SCN8A: variants seen among roughly 807,000 people sequenced by gnomAD.
SCN8A encodes sodium voltage-gated channel alpha subunit 8, also known as sodium channel protein type 8 subunit alpha.
In SCN8A, 30 loss-of-function variants were observed where a neutral mutation model predicts 184.1. That is an observed-to-expected ratio of 0.16 (90% CI 0.12 to 0.22). The LOEUF (loss-of-function observed/expected upper bound fraction) is 0.22, where lower values mean the gene tolerates loss of function less well. Among genes scored for constraint, SCN8A ranks in the 10% least tolerant of loss-of-function variants. The pLI, the probability that SCN8A is intolerant of heterozygous loss-of-function variation, is 1.00. For synonymous variants in SCN8A, 852 were observed against 907.0 expected (o/e 0.94, Z 1.09); for missense variants, 1,057 against 2,498.9 (o/e 0.42, Z 12.30).
At chr12:51,670,394 A>G (rs1293689161) in intron 2 of SCN8A, among the ~76,000 whole-genome samples, 1 of 152,236 alleles carries the variant, frequency 6.6e-6, no homozygotes. Context: ...AACAGCTAAC[A>G]TGTCACTTAT....
intron 1 of SCN8A, among the ~76,000 whole-genome samples, chr12:51,628,881 C>T (rs536151585): frequency 6.6e-6 from 1 of 152,250 alleles, no homozygotes; most frequent in Admixed American, 6.5e-5. Context: ...AGCTGGGCAA[C>T]ATGATGTAGA....
Position 51,745,524 on chromosome 12 carries a change from C to T in SCN8A, c.1999-379C>T, listed in dbSNP as rs143914221. Among the ~76,000 whole-genome samples the T allele has an allele frequency of 3.2e-3, 480 of 152,242 alleles. 2 individuals carry two copies. Among genetic ancestry groups the T allele is most frequent in the Middle Eastern group, 0.02 (6 of 294 alleles). On this transcript the variant is annotated intron_variant, in intron 12 of 26. Coordinates refer to ENST00000627620, the MANE Select transcript of SCN8A (RefSeq NM_001330260.2). ...AATTTGACTTACTTCGTCATGTGGA[C>T]CAATTCTAGCCAAATATTGTGGATT...
intron 15 of SCN8A, among the ~76,000 whole-genome samples, chr12:51,764,000 A>C (rs1262171968): frequency 6.6e-6 from 1 of 152,232 alleles, no homozygotes; most frequent in African/African-American, 2.4e-5. Context: ...TTTGGTTAGG[A>C]TCCAGTCCAC....
intron 8 of SCN8A, 100 bp downstream of exon 8, chr12:51,701,307 G>C (rs1941683425): frequency 3.0e-6 from 2 of 656,838 alleles, no homozygotes; most frequent in South Asian, 3.5e-5. Context: ...TTGTGCTCAA[G>C]TAGTAGACCT....
At chr12:51,758,892 C>T (rs1942720172) in intron 14 of SCN8A, among the ~76,000 whole-genome samples, 1 of 152,074 alleles carries the variant, frequency 6.6e-6, no homozygotes, top group Non-Finnish European at 1.5e-5. Flanking sequence ...GGATACATTC[C>T]AAGGCCCCCA....
intron 1 of SCN8A, among the ~76,000 whole-genome samples, chr12:51,624,425 T>C (rs1394367702): frequency 1.3e-5 from 2 of 152,186 alleles, no homozygotes; most frequent in African/African-American, 4.8e-5. Context: ...GAGAAGTGTC[T>C]GTTCATATCC....
intron 20 of SCN8A, among the ~76,000 whole-genome samples, chr12:51,774,699 G>A (rs1937635712): frequency 1.3e-5 from 2 of 152,140 alleles, no homozygotes; most frequent in Admixed American, 1.3e-4. Flanking sequence ...CAGGCCAGCA[G>A]GATGTCTTCT....
chr12:51,738,912 G>A (rs1204412277), intron 12 of SCN8A, among the ~76,000 whole-genome samples: 1 of 152,130 alleles, frequency 6.6e-6, no homozygotes, highest in Non-Finnish European at 1.5e-5. Context: ...CTGTGGTGGG[G>A]GACAGACATT....
At chr12:51,622,054 T>C (rs1406924688) in intron 1 of SCN8A, among the ~76,000 whole-genome samples, 2 of 152,236 alleles carry the variant, frequency 1.3e-5, no homozygotes, top group East Asian at 3.8e-4. Flanking sequence ...CATGATCATA[T>C]ACTTCTGTCA....
chr12:51,734,078 G>A (rs527916682), intron 12 of SCN8A, among the ~76,000 whole-genome samples: 9 of 151,660 alleles, frequency 5.9e-5, no homozygotes, highest in Non-Finnish European at 1.3e-4. Context: ...ATTTATTTCT[G>A]CTCTGATCTT....
chr12:51,686,552 A>T (rs1459821715), intron 4 of SCN8A, 95 bp downstream of exon 4: 1 of 789,250 alleles, frequency 1.3e-6, no homozygotes, highest in African/African-American at 1.7e-5. Context: ...GGAGAAAAAA[A>T]ATTAGTTATT....
chr12:51,660,507 T>C lies in SCN8A; in HGVS notation c.-54-2257T>C, dbSNP rs143923267. ...GTCTCATTATGGGTTTCAGGCATAA[T>C]CTTATTCACTGTGAAAGGGATACAA... On this transcript the variant is annotated intron_variant, in intron 1 of 26. Coordinates refer to ENST00000627620, the MANE Select transcript of SCN8A (RefSeq NM_001330260.2). Among the ~76,000 whole-genome samples the C allele has an allele frequency of 3.5e-3, 534 of 152,334 alleles. 2 individuals carry two copies. Among genetic ancestry groups the C allele is most frequent in the African/African-American group, 0.012 (514 of 41,566 alleles).
chr12:51,670,950 G>A (rs933322164), intron 2 of SCN8A, among the ~76,000 whole-genome samples: 1 of 152,064 alleles, frequency 6.6e-6, no homozygotes, highest in African/African-American at 2.4e-5. Context: ...TTTTGTTAGG[G>A]AAACACATAA....
At chr12:51,794,770 A>T in intron 26 of SCN8A, 129 bp downstream of exon 26, 1 of 882,722 alleles carries the variant, frequency 1.1e-6, no homozygotes, top group African/African-American at 1.7e-5. Context: ...GCTTAAGTCC[A>T]TGTGTGCCCC....
At chr12:51,792,218 C>T (rs1221906918) in intron 25 of SCN8A, among the ~76,000 whole-genome samples, 5 of 151,186 alleles carry the variant, frequency 3.3e-5, no homozygotes, top group African/African-American at 1.2e-4. Flanking sequence ...GGCACGGTAG[C>T]TCATACTGTA....
At chr12:51,750,944 G>A (rs303778) in intron 13 of SCN8A, among the ~76,000 whole-genome samples, 132,422 of 152,194 alleles carry the variant, frequency 0.87, 57,829 homozygotes, top group East Asian at 0.98. Flanking sequence ...ATCTAATTTA[G>A]TCAAACTCAT....
chr12:51,739,740 C>T (rs1942387802), intron 12 of SCN8A, among the ~76,000 whole-genome samples: 1 of 152,154 alleles, frequency 6.6e-6, no homozygotes, highest in African/African-American at 2.4e-5. Flanking sequence ...TTTGAGCCCC[C>T]ACGAATGGAC....
rs751714292 is a variant in SCN8A at position 51,689,043 on chromosome 12, C to T, written c.653C>T (p.Ala218Val). ...TEFVDLGNVSALRTFRVLRAL... is the reference protein window; with the variant it reads ...TEFVDLGNVSVLRTFRVLRAL... ...TTTGTGGACCTGGGCAATGTCTCAG[C>T]GCTGAGAACATTCAGGGTTCTCCGA... The change falls in exon 6 of 27, where the codon GCG becomes GTG. Residue 218 changes from alanine (A) to valine (V), a missense_variant. Physicochemically the swap from Ala to Val is moderately conservative, Grantham distance 64. Around this residue, in one of 19 missense-constraint regions of SCN8A, gnomAD observed 66 missense variants for 276.4 expected, o/e 0.24. Transcript: ENST00000627620. 1 of 1,613,912 alleles carries T rather than the reference C, an allele frequency of 6.2e-7. No individual in the cohort carries two copies. The highest frequency in any genetic ancestry group is 8.5e-7 in the Non-Finnish European group (1 of 1,179,964).
intron 1 of SCN8A, among the ~76,000 whole-genome samples, chr12:51,613,543 A>G (rs987088603): frequency 1.4e-4 from 21 of 151,948 alleles, no homozygotes; most frequent in African/African-American, 4.1e-4. Context: ...ATCTTTTCAA[A>G]GAACCAGCTT....
Sources: gnomAD v4.1 joint callset for allele counts (sites outside exome capture counted in the v4.1 genomes callset) on GRCh38, gnomAD v4.1.1 for gene constraint, gnomAD v4.1.1 regional missense constraint, MANE v1.5 for transcripts, NCBI Gene and HGNC (gene_info 2026-07-23, HGNC 2026-07-21) for gene names.